CDH18: variants seen among roughly 807,000 people sequenced by gnomAD.
The protein encoded by CDH18 is cadherin 18.
CDH18 carries 31 observed loss-of-function variants against 67.9 expected under a neutral mutation model. That is an observed-to-expected ratio of 0.46 (90% CI 0.34 to 0.62). The LOEUF (loss-of-function observed/expected upper bound fraction) is 0.62. CDH18 is among the 20% of genes least tolerant of loss of function. The probability of loss-of-function intolerance (pLI) is 0.01; values close to 1 mark genes in which losing one functional copy is unlikely to be tolerated. For synonymous variants in CDH18, 362 were observed against 347.2 expected (o/e 1.04, Z -0.48); for missense variants, 890 against 975.5 (o/e 0.91, Z 1.17).
intron 2 of CDH18, among the ~76,000 whole-genome samples, chr5:19,965,902 C>A (rs1260442730): frequency 6.6e-6 from 1 of 152,132 alleles, no homozygotes; most frequent in East Asian, 1.9e-4. Context: ...GCGACACTTA[C>A]ATGACAGAGA....
intron 5 of CDH18, among the ~76,000 whole-genome samples, chr5:19,637,374 C>T (rs1187847655): frequency 6.6e-6 from 1 of 152,022 alleles, no homozygotes; most frequent in Non-Finnish European, 1.5e-5. Context: ...GCCAACTCGA[C>T]TCTCTATTTA....
At chr5:20,443,283 G>GT (rs1435132016) in intron 1 of CDH18, among the ~76,000 whole-genome samples, 2 of 149,950 alleles carry the variant, frequency 1.3e-5, no homozygotes, top group Non-Finnish European at 3.0e-5. Flanking sequence ...AAAAATGGCT[G>GT]TTTAACAATG....
At chr5:20,535,503 TGTGAA>T (rs1756658940) in intron 1 of CDH18, among the ~76,000 whole-genome samples, 1 of 152,148 alleles carries the variant, frequency 6.6e-6, no homozygotes, top group Admixed American at 6.6e-5. Context: ...TATTTCCACC[TGTGAA>T]GTCCCTTTTG....
chr5:19,894,127 T>TCAAA (rs1055635370), intron 2 of CDH18, among the ~76,000 whole-genome samples: 1 of 152,024 alleles, frequency 6.6e-6, no homozygotes, highest in African/African-American at 2.4e-5. Flanking sequence ...CTAATAACCC[T>TCAAA]CAAACACATT....
chr5:20,292,108 T>A (rs1747147685), intron 1 of CDH18, among the ~76,000 whole-genome samples: 1 of 152,212 alleles, frequency 6.6e-6, no homozygotes, highest in Non-Finnish European at 1.5e-5. Context: ...AGAATTTGGA[T>A]GCTGATGCAA....
At chr5:19,954,550 T>C (rs1240314219) in intron 2 of CDH18, among the ~76,000 whole-genome samples, 2 of 152,044 alleles carry the variant, frequency 1.3e-5, no homozygotes, top group African/African-American at 4.8e-5. Context: ...ATATTAAACA[T>C]GTCTTTAATC....
intron 7 of CDH18, among the ~76,000 whole-genome samples, chr5:19,583,014 T>C (rs1743526548): frequency 6.6e-6 from 1 of 152,060 alleles, no homozygotes; most frequent in South Asian, 2.1e-4. Context: ...TAACTTTCAG[T>C]GTTTACTCTT....
chr5:19,590,160 A>G (rs1223484284), intron 7 of CDH18, among the ~76,000 whole-genome samples: 1 of 152,110 alleles, frequency 6.6e-6, no homozygotes, highest in Non-Finnish European at 1.5e-5. Context: ...AAGGAACTCA[A>G]AATAAATACA....
At chr5:19,575,605 G>C (rs1214844707) in intron 7 of CDH18, among the ~76,000 whole-genome samples, 1 of 152,096 alleles carries the variant, frequency 6.6e-6, no homozygotes, top group African/African-American at 2.4e-5. Flanking sequence ...TTGTCCTGTG[G>C]GTGCTGAGAA....
rs530402483 is a variant in CDH18, at chr5:20,166,213, G to A, written c.-518+89231C>T. 5.3e-5 allele frequency among the ~76,000 whole-genome samples: 8 copies of A among 152,104 alleles called. No individual in the cohort carries two copies. The South Asian group carries it at 1.7e-3, about 32-fold the overall frequency. On this transcript the variant is annotated intron_variant, in intron 2 of 14. Coordinates refer to the CDH18 transcript ENST00000507958. Reference sequence around the variant, plus strand: ...CCCAGCACTTTGTGAGGCCAAGGCTGGCGGATCACCTGAAGTCAGGAGTTT... The same window carrying A: ...CCCAGCACTTTGTGAGGCCAAGGCTAGCGGATCACCTGAAGTCAGGAGTTT...
chr5:20,054,541 C>T lies in CDH18; in HGVS notation c.-517-62527G>A, dbSNP rs75506621. On this transcript the variant is annotated intron_variant, in intron 2 of 14. Transcript: ENST00000507958. ...GGTTGTGGCTTACAGTTTCTTCATT[C>T]TACCAATTGAAGGTCTTTAGCGTCT... 0.026 allele frequency among the ~76,000 whole-genome samples: 4,020 copies of T among 152,234 alleles called. 232 individuals carry two copies. The East Asian group carries it at 0.27, about 10-fold the overall frequency.
At chr5:19,661,837 C>T (rs894514056) in intron 5 of CDH18, among the ~76,000 whole-genome samples, 3 of 152,088 alleles carry the variant, frequency 2.0e-5, no homozygotes, top group African/African-American at 7.2e-5. Context: ...GCTGTCTATC[C>T]TTAAATTTGG....
At chr5:19,873,719 C>A (rs935566108) in intron 2 of CDH18, among the ~76,000 whole-genome samples, 1 of 152,026 alleles carries the variant, frequency 6.6e-6, no homozygotes, top group African/African-American at 2.4e-5. Context: ...ACGATCTTGG[C>A]TCACTGCAAC....
intron 1 of CDH18, among the ~76,000 whole-genome samples, chr5:20,281,946 T>A (rs943525651): frequency 6.6e-6 from 1 of 152,168 alleles, no homozygotes; most frequent in African/African-American, 2.4e-5. Context: ...GTAAGTTGGA[T>A]TCCTAGGTCT....
chr5:20,211,290 C>T (rs1580487994), intron 2 of CDH18, among the ~76,000 whole-genome samples: 1 of 152,114 alleles, frequency 6.6e-6, no homozygotes, highest in Non-Finnish European at 1.5e-5. Context: ...GGCCTGCCTG[C>T]CTCTGTAGAC....
At chr5:20,428,630 G>A (rs370140559) in intron 1 of CDH18, among the ~76,000 whole-genome samples, 2 of 152,024 alleles carry the variant, frequency 1.3e-5, no homozygotes, top group Admixed American at 6.6e-5. Flanking sequence ...TTTGATAATT[G>A]CCATTTTAAC....
chr5:20,508,334 T>G (rs1217129639), intron 1 of CDH18, among the ~76,000 whole-genome samples: 4 of 27,408 alleles, frequency 1.5e-4, no homozygotes, highest in African/African-American at 7.6e-4. Context: ...TATATATATA[T>G]ATATATATAT....
At chr5:20,057,204 C>A (rs2150502412) in intron 2 of CDH18, among the ~76,000 whole-genome samples, 1 of 152,206 alleles carries the variant, frequency 6.6e-6, no homozygotes, top group South Asian at 2.1e-4. Flanking sequence ...CCAATTAAAT[C>A]ATAACTATGA....
intron 2 of CDH18, among the ~76,000 whole-genome samples, chr5:20,027,018 AT>A (rs1299320757): frequency 2.6e-5 from 4 of 152,052 alleles, no homozygotes; most frequent in Middle Eastern, 3.4e-3. Context: ...ACATAAAAAA[AT>A]AAATAAATAA....
Sources: gnomAD v4.1 joint callset for allele counts (sites outside exome capture counted in the v4.1 genomes callset) on GRCh38, gnomAD v4.1.1 for gene constraint, MANE v1.5 for transcripts, NCBI Gene and HGNC (gene_info 2026-07-23, HGNC 2026-07-21) for gene names.